Variants in KLRG1 observed in about 807,000 individuals in gnomAD.
The protein encoded by KLRG1 is killer cell lectin like receptor G1, also known as killer cell lectin-like receptor subfamily G member 1.
KLRG1 carries 16 observed loss-of-function variants against 21.8 expected under a neutral mutation model. The observed-to-expected ratio is 0.73, with a 90% CI of 0.50 to 1.11. KLRG1 has a LOEUF of 1.11. Among genes scored for constraint, KLRG1 ranks in the 50% most tolerant of loss-of-function variants. The probability of loss-of-function intolerance (pLI) is 0.00; values close to 1 mark genes in which losing one functional copy is unlikely to be tolerated. For synonymous variants in KLRG1, 69 were observed against 75.9 expected (o/e 0.91, Z 0.47); for missense variants, 173 against 218.3 (o/e 0.79, Z 1.31).
the KLRG1 span, among the ~76,000 whole-genome samples, chr12:9,204,275 A>G: frequency 1.3e-5 from 2 of 152,174 alleles, no homozygotes; most frequent in African/African-American, 2.4e-5. Flanking sequence ...AAGAATCTGA[A>G]TTCTTGAATA....
chr12:9,188,177 C>T, the KLRG1 span, among the ~76,000 whole-genome samples: 2 of 152,178 alleles, frequency 1.3e-5, no homozygotes, highest in African/African-American at 2.4e-5. Context: ...TTAGCTACCG[C>T]GATCAAGTAG....
the KLRG1 span, chr12:9,090,120 GT>G: frequency 6.6e-7 from 1 of 1,513,892 alleles, no homozygotes; most frequent in Non-Finnish European, 8.9e-7. Flanking sequence ...GTAAACTTTT[GT>G]TTTATTAAAA....
chr12:9,028,787 A>T, the KLRG1 span: 22 of 606,402 alleles, frequency 3.6e-5, no homozygotes, highest in South Asian at 3.0e-4. Flanking sequence ...TTTCACAGTT[A>T]AGTGGGCACC....
the KLRG1 span, among the ~76,000 whole-genome samples, chr12:9,052,208 A>T: frequency 3.9e-5 from 6 of 152,324 alleles, no homozygotes; most frequent in East Asian, 1.2e-3. Context: ...ATCCAATTAT[A>T]AGTCTATTGG....
intron 1 of KLRG1, among the ~76,000 whole-genome samples, chr12:8,983,281 C>G (rs1179472697): frequency 2.6e-5 from 4 of 151,242 alleles, no homozygotes; most frequent in African/African-American, 9.7e-5. Flanking sequence ...TGCTGGACTG[C>G]TCATGACAAA....
the KLRG1 span, among the ~76,000 whole-genome samples, chr12:9,179,060 A>T: frequency 1.3e-5 from 2 of 152,222 alleles, no homozygotes; most frequent in East Asian, 3.8e-4. Flanking sequence ...TGAGGGAGTT[A>T]AAGCTATAAA....
the KLRG1 span, chr12:9,161,032 CCCAGAACT>C: frequency 1.3e-6 from 2 of 1,574,994 alleles, no homozygotes; most frequent in Non-Finnish European, 1.7e-6. Context: ...AGGTGACTCA[CCCAGAACT>C]GAGAAAGAAG....
the KLRG1 span, chr12:9,111,575 G>T: frequency 2.2e-6 from 1 of 456,122 alleles, no homozygotes. Flanking sequence ...ATGAGAGAAA[G>T]AGAAACAAGA....
At chr12:9,019,825 G>A in the KLRG1 span, among the ~76,000 whole-genome samples, 47,420 of 151,628 alleles carry the variant, frequency 0.31, 7,488 homozygotes, top group East Asian at 0.39. Context: ...GGCTTACACA[G>A]TCCTCTTGCC....
At chr12:9,008,393 C>T (rs1286827200) in intron 3 of KLRG1, among the ~76,000 whole-genome samples, 1 of 152,184 alleles carries the variant, frequency 6.6e-6, no homozygotes, top group Admixed American at 6.5e-5. Context: ...ACAGAAAGGT[C>T]AATTCTAGGA....
chr12:9,088,565 G>T, the KLRG1 span, among the ~76,000 whole-genome samples: 1 of 152,168 alleles, frequency 6.6e-6, no homozygotes, highest in Non-Finnish European at 1.5e-5. Flanking sequence ...TACTAAATTT[G>T]TAGGTAGTCA....
the KLRG1 span, among the ~76,000 whole-genome samples, chr12:9,098,225 C>T: frequency 3.3e-5 from 5 of 152,088 alleles, no homozygotes; most frequent in Admixed American, 3.3e-4. Flanking sequence ...GTATTCTCTC[C>T]AGCCTTGCAT....
At chr12:8,984,015 T>C (rs1271459708) in intron 1 of KLRG1, among the ~76,000 whole-genome samples, 1 of 152,144 alleles carries the variant, frequency 6.6e-6, no homozygotes, top group Non-Finnish European at 1.5e-5. Flanking sequence ...TCCCCTTTAT[T>C]TTGGGGGACT....
chr12:9,156,698 T>C, the KLRG1 span, among the ~76,000 whole-genome samples: 25 of 152,184 alleles, frequency 1.6e-4, no homozygotes, highest in African/African-American at 6.0e-4. Flanking sequence ...GTGTAACATA[T>C]GCAATCCCAG....
chr12:9,153,698 TTAC>T, the KLRG1 span, among the ~76,000 whole-genome samples: 27 of 152,168 alleles, frequency 1.8e-4, no homozygotes, highest in Non-Finnish European at 1.5e-5. Context: ...TGATAAAAAT[TTAC>T]TGTACATGAA....
At chr12:9,068,431 A>G in the KLRG1 span, among the ~76,000 whole-genome samples, 2 of 152,134 alleles carry the variant, frequency 1.3e-5, no homozygotes, top group Non-Finnish European at 2.9e-5. Flanking sequence ...CTTTTATCCC[A>G]AACTCCTGAA....
At chr12:9,204,544 C>T in the KLRG1 span, among the ~76,000 whole-genome samples, 1 of 152,162 alleles carries the variant, frequency 6.6e-6, no homozygotes, top group Non-Finnish European at 1.5e-5. Context: ...TGCTGTTTCT[C>T]TTAGGCTCCT....
the KLRG1 span, chr12:9,154,735 G>A: frequency 1.9e-6 from 3 of 1,614,148 alleles, no homozygotes; most frequent in African/African-American, 1.3e-5. Context: ...TAAGCGAGGA[G>A]CACATAGGAT....
At chr12:9,083,732 G>GA in the KLRG1 span, among the ~76,000 whole-genome samples, 6 of 143,066 alleles carry the variant, frequency 4.2e-5, no homozygotes, top group East Asian at 4.0e-4. Context: ...AAGCAATAAT[G>GA]AAAAAAAAGA....
Sources: allele counts gnomAD v4.1 joint callset (sites outside exome capture counted in the v4.1 genomes callset), GRCh38; gene constraint gnomAD v4.1.1; transcripts MANE v1.5; gene names NCBI Gene and HGNC (gene_info 2026-07-23, HGNC 2026-07-21).